RICTOR: variants seen among roughly 807,000 people sequenced by gnomAD.
The protein encoded by RICTOR is rapamycin-insensitive companion of mTOR.
RICTOR carries 49 observed loss-of-function variants against 214.9 expected under a neutral mutation model. The ratio of observed to expected loss-of-function variants is 0.23; its 90% CI spans 0.18 to 0.29. The LOEUF is 0.29. Ranked by LOEUF, RICTOR falls within the 10% of genes least tolerant of loss-of-function variation. The pLI is 1.00. For synonymous variants in RICTOR, 717 were observed against 711.3 expected (o/e 1.01, Z -0.13); for missense variants, 1,625 against 2,047.0 (o/e 0.79, Z 3.98).
chr5:39,045,291 T>G (rs999619866), intron 2 of RICTOR, among the ~76,000 whole-genome samples: 1 of 152,170 alleles, frequency 6.6e-6, no homozygotes, highest in Non-Finnish European at 1.5e-5. Context: ...CATTTTAATG[T>G]TATTTTCCTG....
At chr5:39,013,693 C>T (rs764989066) in intron 3 of RICTOR, among the ~76,000 whole-genome samples, 1 of 151,754 alleles carries the variant, frequency 6.6e-6, no homozygotes, top group South Asian at 2.1e-4. Flanking sequence ...TTTTACATGG[C>T]AATTTAGACA....
intron 2 of RICTOR, among the ~76,000 whole-genome samples, chr5:39,049,315 TA>T (rs938834881): frequency 6.6e-6 from 1 of 152,032 alleles, no homozygotes; most frequent in Non-Finnish European, 1.5e-5. Context: ...ATAAAAAGAC[TA>T]AAAATCAGAA....
chr5:39,070,463 G>A (rs1397507087), intron 2 of RICTOR, among the ~76,000 whole-genome samples: 1 of 151,816 alleles, frequency 6.6e-6, no homozygotes, highest in African/African-American at 2.4e-5. Context: ...GCGACAGAGC[G>A]AGACTCCGTC....
intron 6 of RICTOR, among the ~76,000 whole-genome samples, chr5:38,995,661 C>A (rs1753128038): frequency 6.7e-6 from 1 of 149,826 alleles, no homozygotes; most frequent in Admixed American, 6.7e-5. Flanking sequence ...TATTTTAGTC[C>A]CTAACATTAT....
In RICTOR at chr5:39,074,364, C is replaced by T. The variant is rs1156886524; in HGVS notation, c.14G>A (p.Gly5Asp). 15 of 1,539,300 alleles carry T rather than the reference C, an allele frequency of 9.7e-6. No homozygotes were observed. The highest frequency in any genetic ancestry group is 1.4e-5 in the African/African-American group (1 of 71,616). MAAI[G>D]RGRSLKNLRV... ...GAGGTTCTTCAGAGAGCGGCCGCGG[C>T]CGATCGCCGCCATATTGACGGGTTT... Residue 5 changes from glycine (G) to aspartate (D), a missense_variant, in exon 1 of 38, where the codon GGC becomes GAC. This residue lies in a region of RICTOR where 71 missense variants were observed against 57.9 expected (regional missense o/e 1.23). Coordinates refer to ENST00000357387, the MANE Select transcript of RICTOR (RefSeq NM_152756.5).
intron 2 of RICTOR, among the ~76,000 whole-genome samples, chr5:39,071,949 A>C (rs1759357450): frequency 6.6e-6 from 1 of 152,226 alleles, no homozygotes; most frequent in Admixed American, 6.5e-5. Context: ...CACAGTTCTC[A>C]AATTATTACT....
rs573053017 is a variant in RICTOR, at chr5:38,943,166, T to A, written c.4914-195A>T. On this transcript the variant is annotated intron_variant, in intron 36 of 37. Coordinates refer to ENST00000357387, the MANE Select transcript of RICTOR (RefSeq NM_152756.5). ...AGACATTCTGAGTTTGGGTTTTTTT[T>A]TAAAAAAAATGATTATCAAAACCTG... 262 of 426,980 alleles carry A rather than the reference T, an allele frequency of 6.1e-4. 2 individuals are homozygous for A. Among genetic ancestry groups the A allele is most frequent in the Middle Eastern group, 4.3e-3 (7 of 1,616 alleles). The allele number at this position is 426,980 out of a possible 1,614,324, so 26.4% of individuals were successfully genotyped here.
chr5:38,982,093 A>T, intron 7 of RICTOR, 57 bp from the exon 8 acceptor site: 1 of 1,302,646 alleles, frequency 7.7e-7, no homozygotes, highest in Non-Finnish European at 1.1e-6. Context: ...AGTAATAAAA[A>T]ATCTAGGCTT....
In RICTOR at chr5:38,960,374, C is replaced by G. The variant is rs562351460; in HGVS notation, c.1851+24G>C. On this transcript the variant is annotated intron_variant, in intron 20 of 37. Transcript: ENST00000357387. ...GCAAATTCAATAAAAAACATTTGCT[C>G]TGGAAAATATTCAGAATGCCCACCT... The G allele has an allele frequency of 6.9e-6, 11 of 1,604,940 alleles. No homozygotes were observed. The African/African-American group carries it at 9.4e-5, about 14-fold the overall frequency.
At chr5:38,990,881 T>TATGATAGATAG in intron 7 of RICTOR, 68 bp downstream of exon 7, 1 of 905,552 alleles carries the variant, frequency 1.1e-6, no homozygotes, top group East Asian at 2.9e-5. Context: ...ATGATAGATA[T>TATGATAGATAG]ATATATCTCA....
chr5:38,947,942 C>T (rs1748379525), intron 31 of RICTOR, among the ~76,000 whole-genome samples: 1 of 152,054 alleles, frequency 6.6e-6, no homozygotes, highest in Non-Finnish European at 1.5e-5. Context: ...TTATGTAGCA[C>T]ACAAGACAGA....
intron 2 of RICTOR, among the ~76,000 whole-genome samples, chr5:39,062,616 T>C (rs956081301): frequency 6.6e-6 from 1 of 152,154 alleles, no homozygotes; most frequent in African/African-American, 2.4e-5. Context: ...GATAAAAATA[T>C]GTATGTGCAC....
chr5:39,013,417 A>C (rs1754698682), intron 3 of RICTOR, among the ~76,000 whole-genome samples: 1 of 152,114 alleles, frequency 6.6e-6, no homozygotes, highest in Non-Finnish European at 1.5e-5. Context: ...AAATACTAAA[A>C]TATTCAAAAA....
At chr5:38,958,402 C>A in intron 24 of RICTOR, 41 bp downstream of exon 24, 1 of 1,326,208 alleles carries the variant, frequency 7.5e-7, no homozygotes, top group Non-Finnish European at 1.1e-6. Flanking sequence ...TGCCAAAGAA[C>A]ACAACAAAAA....
Position 38,944,614 on chromosome 5 carries a change from T to A in RICTOR, c.4790-45A>T, listed in dbSNP as rs762121232. 6.8e-6 allele frequency: 10 copies of A among 1,472,058 alleles called. No homozygotes were observed. The South Asian group carries it at 1.1e-4, about 17-fold the overall frequency. The allele number at this position is 1,472,058 out of a possible 1,614,324, so 91.2% of individuals were successfully genotyped here. On this transcript the variant is annotated intron_variant, in intron 35 of 37. Coordinates refer to ENST00000357387, the MANE Select transcript of RICTOR (RefSeq NM_152756.5). ...AAGTTAAATATTATCTATGTCACAA[T>A]AAAATGATTAAAACTCATGAAATTT... is the stretch of plus-strand genomic sequence containing the variant.
chr5:39,020,262 G>A (rs1755307905), intron 3 of RICTOR, among the ~76,000 whole-genome samples: 1 of 151,944 alleles, frequency 6.6e-6, no homozygotes, highest in East Asian at 1.9e-4. Context: ...GGTTTGAGAG[G>A]ACTAACTCCA....
chr5:39,038,554 T>C (rs1322832509), intron 2 of RICTOR, among the ~76,000 whole-genome samples: 1 of 152,196 alleles, frequency 6.6e-6, no homozygotes, highest in Non-Finnish European at 1.5e-5. Context: ...ATGATATGAT[T>C]GTATATTTAG....
intron 10 of RICTOR, among the ~76,000 whole-genome samples, chr5:38,972,254 G>C (rs1750849759): frequency 6.6e-6 from 1 of 152,176 alleles, no homozygotes; most frequent in Non-Finnish European, 1.5e-5. Context: ...CTGGGAGTAA[G>C]AACACGGGAG....
chr5:39,073,239 GA>G (rs1759453591), intron 2 of RICTOR, among the ~76,000 whole-genome samples: 1 of 152,188 alleles, frequency 6.6e-6, no homozygotes, highest in Admixed American at 6.5e-5. Context: ...GACTTCGTCG[GA>G]ATCAGTAGGC....
Sources: gnomAD v4.1 joint callset for allele counts (sites outside exome capture counted in the v4.1 genomes callset) on GRCh38, gnomAD v4.1.1 for gene constraint, gnomAD v4.1.1 regional missense constraint, MANE v1.5 for transcripts, NCBI Gene and HGNC (gene_info 2026-07-23, HGNC 2026-07-21) for gene names.